Variants in DLG2 observed in about 807,000 individuals in gnomAD.
DLG2 encodes discs large MAGUK scaffold protein 2.
DLG2 carries 45 observed loss-of-function variants against 132.5 expected under a neutral mutation model. That is an observed-to-expected ratio of 0.34 (90% confidence interval 0.27 to 0.44). The LOEUF (loss-of-function observed/expected upper bound fraction) is 0.44, where lower values mean the gene tolerates loss of function less well. Among genes scored for constraint, DLG2 ranks in the 20% least tolerant of loss-of-function variants. The pLI is 1.00. For missense variants in DLG2, 1,045 were observed against 1,196.9 expected, an observed-to-expected ratio of 0.87 and a Z score of 1.87; for synonymous variants, 424 against 419.6, an observed-to-expected ratio of 1.01 and a Z score of -0.13.
At chr11:84,918,916 C>T (rs1233879132) in intron 6 of DLG2, among the ~76,000 whole-genome samples, 1 of 152,096 alleles carries the variant, frequency 6.6e-6, no homozygotes, top group African/African-American at 2.4e-5. Context: ...CTCTTGAGTA[C>T]CTACTGTGTA....
At chr11:83,475,225 G>A (rs1420588124) in intron 22 of DLG2, among the ~76,000 whole-genome samples, 1 of 152,090 alleles carries the variant, frequency 6.6e-6, no homozygotes, top group Admixed American at 6.6e-5. Context: ...TTACTTCCAT[G>A]TCCAAGAATG....
intron 6 of DLG2, among the ~76,000 whole-genome samples, chr11:84,832,765 T>G (rs1402414707): frequency 6.6e-6 from 1 of 151,626 alleles, no homozygotes; most frequent in African/African-American, 2.4e-5. Context: ...GATAGAAATT[T>G]CTTAAGCTTA....
intron 6 of DLG2, among the ~76,000 whole-genome samples, chr11:84,738,230 C>CT (rs544978842): frequency 6.5e-4 from 98 of 149,734 alleles, no homozygotes; most frequent in Admixed American, 1.3e-3. Flanking sequence ...TTTTCTTTTT[C>CT]TTTTTTTTTG....
intron 7 of DLG2, among the ~76,000 whole-genome samples, chr11:84,484,880 TG>T (rs1374752171): frequency 1.3e-5 from 2 of 152,186 alleles, no homozygotes; most frequent in Non-Finnish European, 2.9e-5. Context: ...AATAACCTAC[TG>T]GGGTCTTAAT....
chr11:84,803,689 G>C (rs184756532), intron 6 of DLG2, among the ~76,000 whole-genome samples: 2 of 152,134 alleles, frequency 1.3e-5, no homozygotes, highest in African/African-American at 2.4e-5. Context: ...TTAAAGTTAC[G>C]AGTAATCATC....
chr11:83,496,439 T>C (rs2094153144), intron 21 of DLG2, among the ~76,000 whole-genome samples: 1 of 152,138 alleles, frequency 6.6e-6, no homozygotes. Context: ...AACTAATGTA[T>C]GACTTAGAAA....
chr11:83,676,168 C>T (rs2077655482), intron 18 of DLG2, among the ~76,000 whole-genome samples: 1 of 152,146 alleles, frequency 6.6e-6, no homozygotes, highest in Non-Finnish European at 1.5e-5. Context: ...AAGCCAGTCT[C>T]TTCAAAGTGA....
intron 7 of DLG2, among the ~76,000 whole-genome samples, chr11:84,528,290 TCAC>T (rs894683515): frequency 6.6e-6 from 1 of 152,168 alleles, no homozygotes; most frequent in African/African-American, 2.4e-5. Context: ...TCCCTTGAAT[TCAC>T]CACTAAATTG....
intron 18 of DLG2, chr11:83,651,757 G>C (rs1472873902): frequency 2.2e-6 from 1 of 457,896 alleles, no homozygotes; most frequent in Non-Finnish European, 4.6e-6. Context: ...TCTAAGTAAA[G>C]AGCATCTAAT....
chr11:85,244,791 T>C (rs1167604454), intron 4 of DLG2, among the ~76,000 whole-genome samples: 1 of 152,016 alleles, frequency 6.6e-6, no homozygotes, highest in African/African-American at 2.4e-5. Flanking sequence ...ATAAGTGAGA[T>C]GGTTCAATGA....
At chr11:85,191,851 G>A (rs893283298) in intron 4 of DLG2, among the ~76,000 whole-genome samples, 10 of 152,084 alleles carry the variant, frequency 6.6e-5, no homozygotes, top group African/African-American at 2.4e-4. Context: ...TATCTCAATT[G>A]ACCCTTACAA....
At chr11:84,390,241 G>A (rs904505899) in intron 7 of DLG2, among the ~76,000 whole-genome samples, 5 of 151,980 alleles carry the variant, frequency 3.3e-5, no homozygotes, top group African/African-American at 4.8e-5. Context: ...GGAATACTAC[G>A]GTAACATAAC....
At chr11:83,503,443 A>C in intron 21 of DLG2, among the ~76,000 whole-genome samples, 1 of 124,770 alleles carries the variant, frequency 8.0e-6, no homozygotes, top group Middle Eastern at 4.5e-3. Context: ...AATAGGATAT[A>C]TATATTTATA....
intron 6 of DLG2, among the ~76,000 whole-genome samples, chr11:85,087,831 C>T (rs1250482067): frequency 1.3e-5 from 1 of 78,512 alleles, no homozygotes; most frequent in Non-Finnish European, 2.6e-5. Context: ...GGCGACAGAG[C>T]GAGACTCCGT....
chr11:84,018,859 T>C (rs12797793), intron 11 of DLG2, among the ~76,000 whole-genome samples: 3,343 of 149,488 alleles, frequency 0.022, 67 homozygotes, highest in Middle Eastern at 0.035. Flanking sequence ...AAAAAAAAAA[T>C]GGGCAAGACT....
At chr11:84,154,946 G>T (rs1034952240) in intron 9 of DLG2, among the ~76,000 whole-genome samples, 2 of 152,058 alleles carry the variant, frequency 1.3e-5, no homozygotes, top group African/African-American at 2.4e-5. Context: ...CTTCTGCACA[G>T]CAAAAGAAAC....
At chr11:85,281,961 T>A (rs2078255115) in intron 4 of DLG2, among the ~76,000 whole-genome samples, 2 of 151,868 alleles carry the variant, frequency 1.3e-5, no homozygotes, top group Non-Finnish European at 2.9e-5. Context: ...TCAATCAAAG[T>A]GTCCATCAAC....
At chr11:85,245,129 A>C (rs575194065) in intron 4 of DLG2, among the ~76,000 whole-genome samples, 3 of 151,884 alleles carry the variant, frequency 2.0e-5, no homozygotes, top group Non-Finnish European at 2.9e-5. Flanking sequence ...AATATTGAAG[A>C]CTCCAGGAAT....
At chr11:84,865,295 C>T (rs1373379886) in intron 6 of DLG2, among the ~76,000 whole-genome samples, 1 of 152,064 alleles carries the variant, frequency 6.6e-6, no homozygotes, top group Non-Finnish European at 1.5e-5. Flanking sequence ...TATATAAGGC[C>T]TATAACTACT....
Sources: gnomAD v4.1 joint callset for allele counts (sites outside exome capture counted in the v4.1 genomes callset) on GRCh38, gnomAD v4.1.1 for gene constraint, MANE v1.5 for transcripts, NCBI Gene and HGNC (gene_info 2026-07-23, HGNC 2026-07-21) for gene names.